The following EPN1 variants were observed in gnomAD, a reference collection of about 807,000 sequenced individuals.
The protein encoded by EPN1 is epsin 1, also known as epsin-1.
In EPN1, 25 loss-of-function variants were observed where a neutral mutation model predicts 56.9. That is an observed-to-expected ratio of 0.44 (90% confidence interval 0.32 to 0.61). The LOEUF (loss-of-function observed/expected upper bound fraction) is 0.61. Ranked by LOEUF, EPN1 falls within the 20% of genes least tolerant of loss-of-function variation. EPN1 has a pLI of 0.05. For missense variants in EPN1, 785 were observed against 823.7 expected, an observed-to-expected ratio of 0.95 and a Z score of 0.58; for synonymous variants, 411 against 361.8, an observed-to-expected ratio of 1.14 and a Z score of -1.54.
rs1458933820 is a variant in EPN1 at position 55,691,331 on chromosome 19, G to T, written c.763-423G>T. On this transcript the variant is annotated intron_variant, in intron 6 of 10. Transcript: ENST00000270460. This position sits in a 1 kb window ranked among gnomAD's most constrained non-coding sequence, Gnocchi z 5.6. ...CAGGGGAAGGCATGGAGCAGGGGCT[G>T]GCCAGTCTGGCTGGAGAAGGCACGG... Among the ~76,000 whole-genome samples the T allele has an allele frequency of 6.6e-6, 1 of 152,110 alleles. No homozygotes were observed. Among genetic ancestry groups the T allele is most frequent in the Non-Finnish European group, 1.5e-5 (1 of 68,008 alleles).
rs553817900 is a variant in EPN1 at position 55,698,257 on chromosome 19, C to T, written c.*2901C>T. The T allele has an allele frequency of 9.0e-4, 137 of 152,356 alleles. 1 individual carries two copies. Among genetic ancestry groups the T allele is most frequent in the African/African-American group, 1.6e-3 (67 of 41,482 alleles). The allele number at this position is 152,356 out of a possible 1,614,324, so 9.4% of individuals were successfully genotyped here. A position where few individuals can be genotyped will look rare whatever the true frequency, so the allele number is the denominator to read the frequency against. On this transcript the variant is annotated 3_prime_UTR_variant, in exon 11 of 11. Coordinates refer to ENST00000270460, the MANE Select transcript of EPN1 (RefSeq NM_001130072.2). ...TAAGCAAGAGTCATGGTGGTGCTCC[C>T]GGCTGGCTCTCAGGAGCAGATGTGC... is the stretch of plus-strand genomic sequence containing the variant.
Position 55,691,708 on chromosome 19 carries a change from C to G in EPN1, c.763-46C>G. ...GCCCCAGCTTGGTCCCTGTCCCAGG[C>G]TTCCCACCACTTCTTCATGCTCCTT... On this transcript the variant is annotated intron_variant, in intron 6 of 10. Coordinates refer to ENST00000270460, the MANE Select transcript of EPN1 (RefSeq NM_001130072.2). This position sits in a 1 kb window ranked among gnomAD's most constrained non-coding sequence, Gnocchi z 5.6. 5.1e-6 allele frequency: 8 copies of G among 1,570,588 alleles called. No homozygotes were observed. The highest frequency in any genetic ancestry group is 7.0e-6 in the Non-Finnish European group (8 of 1,150,866).
At position 55,695,564 on chromosome 19, in the gene EPN1, G is replaced by C; in HGVS notation, c.*208G>C. The stretch of plus-strand genomic sequence containing the variant: ...GGGGCCTGGGGAGGGGAGCTGGCCA[G>C]AGGAGGACCCCTTTCCCGTGGCATT... On this transcript the variant is annotated 3_prime_UTR_variant, in exon 11 of 11. Transcript: ENST00000270460. The surrounding 1 kb of genome is among the most constrained non-coding windows in gnomAD (Gnocchi z 4.4). The C allele has an allele frequency of 5.3e-6, 3 of 563,316 alleles. No individual in the cohort carries two copies. The highest frequency in any genetic ancestry group is 9.4e-6 in the Non-Finnish European group (3 of 318,140). 34.9% of individuals were successfully genotyped at this position (563,316 alleles called of 1,614,324 possible).
intron 9 of EPN1, among the ~76,000 whole-genome samples, chr19:55,693,891 C>T (rs1986740958): frequency 6.6e-6 from 1 of 152,040 alleles, no homozygotes; most frequent in Non-Finnish European, 1.5e-5. Context: ...TGCATTTTTT[C>T]AACATTAGGT....
chr19:55,682,452 A>G (rs1985877473), intron 2 of EPN1, among the ~76,000 whole-genome samples: 1 of 150,678 alleles, frequency 6.6e-6, no homozygotes, highest in Admixed American at 6.6e-5. Flanking sequence ...AGAAAGTCTC[A>G]CTGTTGCCCA....
chr19:55,699,693 C>A lies in EPN1; in HGVS notation c.*4337C>A, dbSNP rs1035049623. Reference sequence around the variant, plus strand: ...GGCTCTTCAACAAAAAGTGTGCTGACCCCCGGTGATTGCTTGTATGTGGCA... The same window carrying A: ...GGCTCTTCAACAAAAAGTGTGCTGAACCCCGGTGATTGCTTGTATGTGGCA... On this transcript the variant is annotated 3_prime_UTR_variant, in exon 11 of 11. Coordinates refer to ENST00000270460, the MANE Select transcript of EPN1 (RefSeq NM_001130072.2). 6.6e-6 allele frequency: 1 copy of A among 152,174 alleles called. No individual in the cohort carries two copies. The highest frequency in any genetic ancestry group is 2.4e-5 in the African/African-American group (1 of 41,444). 9.4% of individuals were successfully genotyped at this position (152,174 alleles called of 1,614,324 possible). A position where few individuals can be genotyped will look rare whatever the true frequency, so the allele number is the denominator to read the frequency against.
chr19:55,708,894 A>AC lies in EPN1; in HGVS notation c.*13539dup. ...CAAGGAAAGCCTTTGTGAGACGACTACTTCAGGGTGTTCCCCATCAGAGGA... is the reference window on the plus strand; with the variant it reads ...CAAGGAAAGCCTTTGTGAGACGACTACCTTCAGGGTGTTCCCCATCAGAGGA... On this transcript the variant is annotated 3_prime_UTR_variant, in exon 11 of 11. Coordinates refer to ENST00000270460, the MANE Select transcript of EPN1 (RefSeq NM_001130072.2). The AC allele has an allele frequency of 6.6e-7, 1 of 1,519,482 alleles. No homozygotes were observed. The allele number at this position is 1,519,482 out of a possible 1,614,324, so 94.1% of individuals were successfully genotyped here. A position where few individuals can be genotyped will look rare whatever the true frequency, so the allele number is the denominator to read the frequency against.
rs1986419095 is a variant in EPN1 at position 55,689,864 on chromosome 19, CAGG to C, written c.682_684del (p.Glu228del). ...CTCCCTGGTCGTGCCCGTGCCCCAA[CAGG>C]AGGAGCGGATCCGTCGCGGGGATGA... On this transcript the variant is annotated splice_acceptor_variant and coding_sequence_variant, in exon 6 of 11. Transcript: ENST00000270460. LOFTEE classifies it high-confidence loss of function. The surrounding 1 kb of genome is among the most constrained non-coding windows in gnomAD (Gnocchi z 5.7). 1 of 1,599,204 alleles carries C rather than the reference CAGG, an allele frequency of 6.3e-7. No individual in the cohort carries two copies. The highest frequency in any genetic ancestry group is 8.5e-7 in the Non-Finnish European group (1 of 1,173,434).
intron 2 of EPN1, among the ~76,000 whole-genome samples, chr19:55,681,946 C>T (rs1391211465): frequency 6.6e-6 from 1 of 152,096 alleles, no homozygotes; most frequent in East Asian, 1.9e-4. Flanking sequence ...AGGCACACAC[C>T]ACCATGCCCG....
intron 3 of EPN1, 21 bp from the exon 4 acceptor site, chr19:55,688,849 C>A (rs987104675): frequency 5.7e-6 from 9 of 1,569,458 alleles, no homozygotes; most frequent in South Asian, 1.2e-5. Flanking sequence ...GGGTCTCACG[C>A]GTTTCTCACC....
rs1216772551 is a variant in EPN1, at chr19:55,695,530, A to T, written c.*174A>T. ...TCCCACCCCACCTCCCCGGAGAGAA[A>T]CTGGACATGGGGCCTGGGGAGGGGA... On this transcript the variant is annotated 3_prime_UTR_variant, in exon 11 of 11. Transcript: ENST00000270460. This position sits in a 1 kb window ranked among gnomAD's most constrained non-coding sequence, Gnocchi z 4.4. The T allele has an allele frequency of 1.7e-6, 1 of 588,380 alleles. No individual in the cohort carries two copies. Among genetic ancestry groups the T allele is most frequent in the Admixed American group, 3.1e-5 (1 of 32,562 alleles). The allele number at this position is 588,380 out of a possible 1,614,324, so 36.4% of individuals were successfully genotyped here. A position where few individuals can be genotyped will look rare whatever the true frequency, so the allele number is the denominator to read the frequency against.
At chr19:55,684,853 G>A (rs1020469890) in intron 2 of EPN1, among the ~76,000 whole-genome samples, 2 of 152,222 alleles carry the variant, frequency 1.3e-5, no homozygotes, top group African/African-American at 2.4e-5. Context: ...TGCCCATGGC[G>A]GCTGTGGTGC....
At position 55,691,383 on chromosome 19, in the gene EPN1, C is replaced by T. The variant is rs539276893; in HGVS notation, c.763-371C>T. Among the ~76,000 whole-genome samples the T allele has an allele frequency of 8.5e-5, 13 of 152,054 alleles. No individual in the cohort carries two copies. The East Asian group carries it at 1.4e-3, about 16-fold the overall frequency. Reference sequence around the variant, plus strand: ...GGGCAGAGGGAGGATCGAGCTGCTTCGGGTCGAGCGAGGGGAGGGCTTGGC... The same window carrying T: ...GGGCAGAGGGAGGATCGAGCTGCTTTGGGTCGAGCGAGGGGAGGGCTTGGC... On this transcript the variant is annotated intron_variant, in intron 6 of 10. Coordinates refer to ENST00000270460, the MANE Select transcript of EPN1 (RefSeq NM_001130072.2). This position sits in a 1 kb window ranked among gnomAD's most constrained non-coding sequence, Gnocchi z 5.6.
chr19:55,708,226 GCAT>G lies in EPN1; in HGVS notation c.*12875_*12877del, dbSNP rs917874668. The G allele has an allele frequency of 3.9e-5, 6 of 152,122 alleles. No individual in the cohort carries two copies. The highest frequency in any genetic ancestry group is 8.8e-5 in the Non-Finnish European group (6 of 68,028). The allele number at this position is 152,122 out of a possible 1,614,324, so 9.4% of individuals were successfully genotyped here. A position where few individuals can be genotyped will look rare whatever the true frequency, so the allele number is the denominator to read the frequency against. ...TAACTGATTATATAATCCAATTTCT[GCAT>G]CATCTTGCTTTTATGTTTTGTAATA... On this transcript the variant is annotated 3_prime_UTR_variant, in exon 11 of 11. Transcript: ENST00000270460.
At chr19:55,676,272 G>A (rs1985416095) in intron 1 of EPN1, among the ~76,000 whole-genome samples, 1 of 151,874 alleles carries the variant, frequency 6.6e-6, no homozygotes, top group Admixed American at 6.6e-5. Flanking sequence ...GTAAGTGTTA[G>A]ATATCGGTCG....
chr19:55,700,528 G>C lies in EPN1; in HGVS notation c.*5172G>C, dbSNP rs1987092002. 1.3e-5 allele frequency: 2 copies of C among 151,916 alleles called. No homozygotes were observed. The highest frequency in any genetic ancestry group is 4.1e-4 in the South Asian group (2 of 4,822). The allele number at this position is 151,916 out of a possible 1,614,324, so 9.4% of individuals were successfully genotyped here. A position where few individuals can be genotyped will look rare whatever the true frequency, so the allele number is the denominator to read the frequency against. On this transcript the variant is annotated 3_prime_UTR_variant, in exon 11 of 11. Transcript: ENST00000270460. ...ACCCGCCTCGGCCTCCCAAAGTGCT[G>C]GGATTACAGGCGTGAGCCACGGCAC...
Position 55,700,229 on chromosome 19 carries a change from G to A in EPN1, c.*4873G>A, listed in dbSNP as rs916522528. On this transcript the variant is annotated 3_prime_UTR_variant, in exon 11 of 11. Coordinates refer to ENST00000270460, the MANE Select transcript of EPN1 (RefSeq NM_001130072.2). The stretch of plus-strand genomic sequence containing the variant: ...TGAGCCACTGTGCCCGGCCCATAAA[G>A]CACTATTTAATGACTGCTCCATAAA... 2 of 146,722 alleles carry A rather than the reference G, an allele frequency of 1.4e-5. No homozygotes were observed. Among genetic ancestry groups the A allele is most frequent in the Non-Finnish European group, 3.0e-5 (2 of 67,240 alleles). The allele number at this position is 146,722 out of a possible 1,614,324, so 9.1% of individuals were successfully genotyped here.
Position 55,694,818 on chromosome 19 carries a change from G to T in EPN1, c.1357G>T (p.Gly453Cys), listed in dbSNP as rs1479560487. ...GVRGSLAEAV[G>C]SPPPAATPTP... ...CAGGGGATCTCTGGCTGAGGCTGTGGGCAGCCCCCCACCTGCAGCCACACC... is the reference window on the plus strand; with the variant it reads ...CAGGGGATCTCTGGCTGAGGCTGTGTGCAGCCCCCCACCTGCAGCCACACC... Residue 453 changes from glycine to cysteine, a missense_variant, in exon 10 of 11, where the codon GGC becomes TGC. Physicochemically the swap from Gly to Cys is radical, Grantham distance 159 (BLOSUM62 -3). Around this residue, in one of 2 missense-constraint regions of EPN1, gnomAD observed 650 missense variants for 605.0 expected, o/e 1.07. Coordinates refer to ENST00000270460, the MANE Select transcript of EPN1 (RefSeq NM_001130072.2). This position sits in a 1 kb window ranked among gnomAD's most constrained non-coding sequence, Gnocchi z 4.2. The T allele has an allele frequency of 3.7e-6, 6 of 1,610,158 alleles. No individual in the cohort carries two copies. In the African/African-American group the frequency reaches 6.7e-5, roughly 18 times the overall value.
chr19:55,698,186 A>T lies in EPN1; in HGVS notation c.*2830A>T, dbSNP rs1445548782. 1 of 152,232 alleles carries T rather than the reference A, an allele frequency of 6.6e-6. No homozygotes were observed. The highest frequency in any genetic ancestry group is 2.1e-4 in the South Asian group (1 of 4,810). 9.4% of individuals were successfully genotyped at this position (152,232 alleles called of 1,614,324 possible). On this transcript the variant is annotated 3_prime_UTR_variant, in exon 11 of 11. Coordinates refer to ENST00000270460, the MANE Select transcript of EPN1 (RefSeq NM_001130072.2). ...TTTGCTGAAAGGATTTTACAAGGGC[A>T]TGCACGGATGGGCCTAGGAGGAGGT...
Sources: gnomAD v4.1 joint callset for allele counts (sites outside exome capture counted in the v4.1 genomes callset) on GRCh38, gnomAD v4.1.1 for gene constraint, gnomAD v4.1.1 regional missense constraint, Gnocchi (gnomAD v3.1) non-coding constraint, MANE v1.5 for transcripts, NCBI Gene and HGNC (gene_info 2026-07-23, HGNC 2026-07-21) for gene names.